Variants in DENND5B observed in about 807,000 individuals in gnomAD.
DENND5B encodes the protein DENN domain-containing protein 5B.
In DENND5B, 34 loss-of-function variants were observed where a neutral mutation model predicts 140.6. The observed-to-expected ratio is 0.24, with a 90% CI of 0.18 to 0.32. The LOEUF (loss-of-function observed/expected upper bound fraction) is 0.32. DENND5B is among the 10% of genes least tolerant of loss of function. DENND5B has a pLI of 1.00. For synonymous variants in DENND5B, 551 were observed against 562.1 expected, an observed-to-expected ratio of 0.98 and a Z score of 0.28; for missense variants, 1,142 against 1,560.2, an observed-to-expected ratio of 0.73 and a Z score of 4.52.
chr12:31,454,142 CAAAAA>C (rs372795117), intron 4 of DENND5B, among the ~76,000 whole-genome samples: 1 of 96,364 alleles, frequency 1.0e-5, no homozygotes. Flanking sequence ...AGACTTTGGC[CAAAAA>C]AAAAAAAAAA....
intron 5 of DENND5B, chr12:31,451,700 A>T: frequency 2.1e-6 from 1 of 475,022 alleles, no homozygotes; most frequent in Non-Finnish European, 3.7e-6. Context: ...CGCACAATTT[A>T]ATGACCAGTT....
At position 31,479,683 on chromosome 12, in the gene DENND5B, G is replaced by T. The variant is rs369444538; in HGVS notation, c.810C>A (p.Pro270=). ...CCAGGAGCTCAAATGCCTCCCGAAG[G>T]GGGTAATCAGAGAGGGGGAGTTCAC... The part of the protein sequence containing the change: ...GPSELPLSDY[P]LREAFELLGL... Residue 270 remains proline (P), a synonymous_variant, in exon 3 of 21, where the codon CCC becomes CCA. Coordinates refer to ENST00000389082, the MANE Select transcript of DENND5B (RefSeq NM_144973.4). 152 of 1,591,196 alleles carry T rather than the reference G, an allele frequency of 9.6e-5. 1 individual carries two copies. The highest frequency in any genetic ancestry group is 4.9e-4 in the South Asian group (43 of 87,176).
At chr12:31,398,424 C>T in intron 16 of DENND5B, 62 bp from the exon 17 acceptor site, 14 of 1,457,148 alleles carry the variant, frequency 9.6e-6, no homozygotes, top group Non-Finnish European at 1.1e-5. Context: ...TCCCGCTCAG[C>T]CCCCTGAGTA....
intron 8 of DENND5B, among the ~76,000 whole-genome samples, chr12:31,431,219 G>T (rs988787452): frequency 2.0e-5 from 3 of 152,112 alleles, no homozygotes; most frequent in African/African-American, 7.2e-5. Context: ...TGAACTAACT[G>T]CTCTTTAATA....
chr12:31,515,328 T>A (rs1344952155), intron 1 of DENND5B, among the ~76,000 whole-genome samples: 2 of 152,204 alleles, frequency 1.3e-5, no homozygotes, highest in Non-Finnish European at 2.9e-5. Flanking sequence ...ATACATTTTT[T>A]AAAATTGCGA....
chr12:31,552,376 G>T (rs565666544), intron 1 of DENND5B, among the ~76,000 whole-genome samples: 9 of 152,284 alleles, frequency 5.9e-5, no homozygotes, highest in African/African-American at 1.9e-4. Context: ...ATTGATTTGT[G>T]TATGTTGAAC....
intron 8 of DENND5B, among the ~76,000 whole-genome samples, chr12:31,429,469 C>T (rs546051942): frequency 1.5e-3 from 228 of 152,242 alleles, no homozygotes; most frequent in African/African-American, 5.2e-3. Context: ...AGTGCAGTGG[C>T]TCGGTCTTGG....
rs1212692319 is a variant in DENND5B, at chr12:31,433,221, T to C, written c.2040A>G (p.Ala680=). 6.2e-7 allele frequency: 1 copy of C among 1,612,864 alleles called. No individual in the cohort carries two copies. Among genetic ancestry groups the C allele is most frequent in the Non-Finnish European group, 8.5e-7 (1 of 1,179,544 alleles). The part of the protein sequence containing the change: ...NNRWVSRSAT[A]QRRKERLRQH... ...GGCGAAGGCGTTCTTTCCTGCGCTG[T>C]GCAGTGGCACTCCGACTTACCCAGC... The change falls in exon 8 of 21, where the codon GCA becomes GCG. Residue 680 remains alanine, a synonymous_variant. Transcript: ENST00000389082.
intron 1 of DENND5B, among the ~76,000 whole-genome samples, chr12:31,545,893 G>C (rs1009121283): frequency 2.7e-4 from 34 of 125,832 alleles, no homozygotes; most frequent in African/African-American, 1.0e-3. Context: ...AGAGGTTGCA[G>C]TGAGTCAGGA....
chr12:31,583,825 T>G (rs1360683761), intron 1 of DENND5B, among the ~76,000 whole-genome samples: 6 of 152,246 alleles, frequency 3.9e-5, no homozygotes, highest in Non-Finnish European at 8.8e-5. Flanking sequence ...CACTTACGTA[T>G]GTACTCCAGA....
intron 1 of DENND5B, among the ~76,000 whole-genome samples, chr12:31,537,638 G>A (rs1948548261): frequency 6.6e-6 from 1 of 151,976 alleles, no homozygotes; most frequent in African/African-American, 2.4e-5. Context: ...AACACTGAAT[G>A]TAAATGGACT....
chr12:31,426,604 A>G, intron 8 of DENND5B, 180 bp from the exon 9 acceptor site: 2 of 596,370 alleles, frequency 3.4e-6, no homozygotes, highest in South Asian at 2.3e-5. Flanking sequence ...ATGCCACCCC[A>G]TAACAACTGT....
In DENND5B at chr12:31,383,601, A is replaced by G. The variant is rs144315729; in HGVS notation, c.*4002T>C. ...CTTCTGCAAGGTTGAAGTTTCTCAT[A>G]TCAAATTCTCATTCCCAGTGGAAAA... On this transcript the variant is annotated 3_prime_UTR_variant, in exon 21 of 21. Transcript: ENST00000389082. 6.6e-6 allele frequency: 1 copy of G among 152,334 alleles called. No homozygotes were observed. The highest frequency in any genetic ancestry group is 2.4e-5 in the African/African-American group (1 of 41,588). The allele number at this position is 152,334 out of a possible 1,614,324, so 9.4% of individuals were successfully genotyped here.
At chr12:31,493,209 TTC>T (rs1218937261) in intron 2 of DENND5B, among the ~76,000 whole-genome samples, 2 of 152,160 alleles carry the variant, frequency 1.3e-5, no homozygotes, top group Non-Finnish European at 2.9e-5. Flanking sequence ...TGGATTTAAT[TTC>T]TGAGTCTTAC....
intron 10 of DENND5B, among the ~76,000 whole-genome samples, 162 bp downstream of exon 10, chr12:31,424,373 G>A (rs1292480180): frequency 6.6e-6 from 1 of 151,866 alleles, no homozygotes; most frequent in African/African-American, 2.4e-5. Flanking sequence ...CCTGCTCATG[G>A]GTTATATTTT....
chr12:31,461,393 G>C (rs1945013994), intron 3 of DENND5B, among the ~76,000 whole-genome samples: 1 of 152,082 alleles, frequency 6.6e-6, no homozygotes, highest in African/African-American at 2.4e-5. Context: ...TTATTTACAT[G>C]AACTCACTAG....
chr12:31,488,945 T>C (rs1946412645), intron 2 of DENND5B, among the ~76,000 whole-genome samples: 1 of 152,224 alleles, frequency 6.6e-6, no homozygotes, highest in Admixed American at 6.5e-5. Context: ...ATGACAAGTG[T>C]GTAACTTTCC....
intron 1 of DENND5B, among the ~76,000 whole-genome samples, chr12:31,562,419 T>A (rs1187062606): frequency 6.6e-6 from 1 of 152,274 alleles, no homozygotes; most frequent in South Asian, 2.1e-4. Flanking sequence ...AAGACCATCC[T>A]GACCAACATG....
intron 1 of DENND5B, among the ~76,000 whole-genome samples, chr12:31,587,425 A>G (rs1267605733): frequency 1.3e-5 from 2 of 151,986 alleles, no homozygotes; most frequent in Non-Finnish European, 2.9e-5. Context: ...TATTCATATA[A>G]ATCATCAGCA....
Sources: allele counts gnomAD v4.1 joint callset (sites outside exome capture counted in the v4.1 genomes callset), GRCh38; gene constraint gnomAD v4.1.1; transcripts MANE v1.5; gene names NCBI Gene and HGNC (gene_info 2026-07-23, HGNC 2026-07-21).